Variants in YIPF1 observed in about 807,000 individuals in gnomAD.
YIPF1 encodes Yip1 domain family member 1.
Under a neutral mutation model 37.0 loss-of-function variants are expected in YIPF1, and 22 were observed. The observed-to-expected ratio is 0.59, with a 90% CI of 0.42 to 0.85. The LOEUF (loss-of-function observed/expected upper bound fraction) is 0.85. Among genes scored for constraint, YIPF1 ranks in the 40% least tolerant of loss-of-function variants. The probability of loss-of-function intolerance (pLI) is 0.00; values close to 1 mark genes in which losing one functional copy is unlikely to be tolerated. For synonymous variants in YIPF1, 128 were observed against 131.9 expected (o/e 0.97, Z 0.21); for missense variants, 355 against 373.1 (o/e 0.95, Z 0.40).
intron 9 of YIPF1, 143 bp downstream of exon 9, chr1:53,866,057 C>T: frequency 9.3e-7 from 1 of 1,075,986 alleles, no homozygotes; most frequent in Non-Finnish European, 1.3e-6. Flanking sequence ...ACTTGGGCCT[C>T]CCAAAGTATT....
Position 53,883,132 on chromosome 1 carries a change from T to C in YIPF1, c.176A>G (p.Asp59Gly). The change falls in exon 4 of 11, where the codon GAT becomes GGT. Residue 59 changes from aspartate to glycine, a missense_variant. Coordinates refer to ENST00000072644, the MANE Select transcript of YIPF1 (RefSeq NM_018982.5). Reference protein sequence around the residue: ...REEDDELLGNDDSDKTELLAG... With the variant: ...REEDDELLGNGDSDKTELLAG... ...TCAAACCTCAGTTTTGTCAGAGTCA[T>C]CATTTCCCAGTAACTCATCATCTTC... is the stretch of plus-strand genomic sequence containing the variant. 1 of 1,578,654 alleles carries C rather than the reference T, an allele frequency of 6.3e-7. No individual in the cohort carries two copies. Among genetic ancestry groups the C allele is most frequent in the Middle Eastern group, 1.7e-4 (1 of 5,940 alleles).
At chr1:53,867,874 C>T (rs1008204867) in intron 7 of YIPF1, among the ~76,000 whole-genome samples, 1 of 152,194 alleles carries the variant, frequency 6.6e-6, no homozygotes, top group Non-Finnish European at 1.5e-5. Flanking sequence ...AGAACAGCAA[C>T]GTTCAGCATA....
chr1:53,867,011 G>T, intron 7 of YIPF1, 87 bp from the exon 8 acceptor site: 1 of 1,461,916 alleles, frequency 6.8e-7, no homozygotes, highest in Non-Finnish European at 9.2e-7. Context: ...GTACTTAAAT[G>T]CTAACATGTC....
At chr1:53,887,563 A>C (rs1650689246) in intron 3 of YIPF1, among the ~76,000 whole-genome samples, 1 of 152,016 alleles carries the variant, frequency 6.6e-6, no homozygotes, top group Non-Finnish European at 1.5e-5. Flanking sequence ...AGTGACCTTG[A>C]GCATGGTGAG....
intron 6 of YIPF1, among the ~76,000 whole-genome samples, chr1:53,874,708 A>G (rs914119717): frequency 1.3e-5 from 2 of 152,178 alleles, no homozygotes; most frequent in African/African-American, 4.8e-5. Flanking sequence ...CAGGGGTTGC[A>G]GTGAGCCGAG....
At chr1:53,872,449 G>A (rs1650217382) in intron 6 of YIPF1, among the ~76,000 whole-genome samples, 1 of 152,118 alleles carries the variant, frequency 6.6e-6, no homozygotes, top group Non-Finnish European at 1.5e-5. Context: ...ATGGTTTTAA[G>A]ATATACCACT....
At chr1:53,855,789 A>G (rs1398271331) in intron 10 of YIPF1, among the ~76,000 whole-genome samples, 1 of 152,222 alleles carries the variant, frequency 6.6e-6, no homozygotes, top group Non-Finnish European at 1.5e-5. Context: ...CTAATGACGC[A>G]TGTCTCAGAA....
At chr1:53,880,484 C>T (rs920121926) in intron 4 of YIPF1, among the ~76,000 whole-genome samples, 1 of 152,168 alleles carries the variant, frequency 6.6e-6, no homozygotes, top group Admixed American at 6.6e-5. Flanking sequence ...TGGCATACTG[C>T]CCAAAGTAAT....
Position 53,851,750 on chromosome 1 carries a change from T to G in YIPF1, c.*529A>C, listed in dbSNP as rs1222841397. On this transcript the variant is annotated 3_prime_UTR_variant, in exon 11 of 11. Transcript: ENST00000072644. ...CACAGACATCATGTGAGGTATTTAT[T>G]TTGCAGCCATTCAGTTCAGCTGTCC... 2 of 152,138 alleles carry G rather than the reference T, an allele frequency of 1.3e-5. No homozygotes were observed. The highest frequency in any genetic ancestry group is 2.9e-5 in the Non-Finnish European group (2 of 68,020). The allele number at this position is 152,138 out of a possible 1,614,324, so 9.4% of individuals were successfully genotyped here.
intron 6 of YIPF1, among the ~76,000 whole-genome samples, chr1:53,872,535 C>G (rs1650219937): frequency 6.6e-6 from 1 of 152,148 alleles, no homozygotes; most frequent in Non-Finnish European, 1.5e-5. Context: ...CCTTGTCTCT[C>G]CCCATCTAGA....
chr1:53,858,916 G>A (rs1649794440), intron 10 of YIPF1, among the ~76,000 whole-genome samples: 1 of 152,216 alleles, frequency 6.6e-6, no homozygotes, highest in South Asian at 2.1e-4. Context: ...GATTACAGGT[G>A]TGAGCCACCA....
intron 10 of YIPF1, chr1:53,855,156 C>A (rs1026453202): frequency 6.6e-6 from 1 of 151,072 alleles, no homozygotes; most frequent in African/African-American, 2.4e-5. Flanking sequence ...CCTGTGTATC[C>A]AATCAGGAGG....
chr1:53,881,256 A>AG lies in YIPF1; in HGVS notation c.195+1856_195+1857insC, dbSNP rs1214026694. 2.9e-5 allele frequency among the ~76,000 whole-genome samples: 4 copies of AG among 136,362 alleles called. No individual in the cohort carries two copies. In the East Asian group the frequency reaches 7.8e-4, roughly 27 times the overall value. The allele number at this position is 136,362 out of a possible 152,430, so 89.5% of individuals were successfully genotyped here. ...CAAGACTCCATCTCAAAAAAAAAAA[A>AG]AAAAAGAAAAAGAAAGAAAATCTAG... On this transcript the variant is annotated intron_variant, in intron 4 of 10. Coordinates refer to ENST00000072644, the MANE Select transcript of YIPF1 (RefSeq NM_018982.5).
chr1:53,854,656 C>T lies in YIPF1; in HGVS notation c.*9-2386G>A, dbSNP rs576077481. Reference sequence around the variant, plus strand: ...TAAAAGGGCCTTCTAGTCTGTGTGGCGTATGAGATGTAAAACTGGAGTATA... The same window carrying T: ...TAAAAGGGCCTTCTAGTCTGTGTGGTGTATGAGATGTAAAACTGGAGTATA... On this transcript the variant is annotated intron_variant, in intron 10 of 10. Transcript: ENST00000072644. 2.1e-3 allele frequency among the ~76,000 whole-genome samples: 317 copies of T among 152,218 alleles called. 2 individuals are homozygous for T. Among genetic ancestry groups the T allele is most frequent in the Non-Finnish European group, 2.6e-3 (175 of 68,020 alleles).
intron 6 of YIPF1, among the ~76,000 whole-genome samples, chr1:53,872,103 A>AAAAATT (rs780028907): frequency 2.0e-4 from 30 of 151,918 alleles, no homozygotes; most frequent in Non-Finnish European, 3.8e-4. Flanking sequence ...GTCTACCCAC[A>AAAAATT]AAAATTAAAA....
intron 7 of YIPF1, 108 bp from the exon 8 acceptor site, chr1:53,867,032 A>C: frequency 1.5e-6 from 2 of 1,314,262 alleles, no homozygotes; most frequent in Non-Finnish European, 2.1e-6. Flanking sequence ...AATTGACTTC[A>C]GTGGACCACG....
intron 4 of YIPF1, among the ~76,000 whole-genome samples, chr1:53,880,991 G>A (rs182461796): frequency 5.9e-5 from 9 of 152,114 alleles, no homozygotes; most frequent in East Asian, 3.9e-4. Flanking sequence ...CCAGCTGGGC[G>A]CGGTGGCTCA....
At chr1:53,869,158 T>A (rs142843082) in intron 7 of YIPF1, among the ~76,000 whole-genome samples, 14,396 of 119,642 alleles carry the variant, frequency 0.12, 820 homozygotes, top group Middle Eastern at 0.2. Context: ...TCTCTCTCTC[T>A]CTCACACACA....
chr1:53,860,209 G>GT, intron 9 of YIPF1, 56 bp from the exon 10 acceptor site: 4 of 1,552,620 alleles, frequency 2.6e-6, no homozygotes, highest in Non-Finnish European at 3.5e-6. Context: ...CCGGGTAAGT[G>GT]TTTTTTTAGA....
Sources: gnomAD v4.1 joint callset for allele counts (sites outside exome capture counted in the v4.1 genomes callset) on GRCh38, gnomAD v4.1.1 for gene constraint, MANE v1.5 for transcripts, NCBI Gene and HGNC (gene_info 2026-07-23, HGNC 2026-07-21) for gene names.